Variants in PCDHGA1 observed in about 807,000 individuals in gnomAD.
The protein encoded by PCDHGA1 is protocadherin gamma-A1.
A neutral mutation model predicts 58.0 loss-of-function variants in PCDHGA1; 32 were observed. That is an observed-to-expected ratio of 0.55 (90% CI 0.42 to 0.74). The LOEUF (loss-of-function observed/expected upper bound fraction) is 0.74. Among genes scored for constraint, PCDHGA1 ranks in the 30% least tolerant of loss-of-function variants. The probability of loss-of-function intolerance (pLI) is 0.00; values close to 1 mark genes in which losing one functional copy is unlikely to be tolerated. For synonymous variants in PCDHGA1, 498 were observed against 501.1 expected, an observed-to-expected ratio of 0.99 and a Z score of 0.08; for missense variants, 1,205 against 1,182.3, an observed-to-expected ratio of 1.02 and a Z score of -0.28.
At chr5:141,344,980 A>G in intron 1 of PCDHGA1, 1 of 1,613,920 alleles carries the variant, frequency 6.2e-7, no homozygotes, top group Non-Finnish European at 8.5e-7. Flanking sequence ...ATGTTCTATG[A>G]AATTAAAATT....
chr5:141,352,451 T>C (rs1370878930), intron 1 of PCDHGA1: 2 of 1,614,028 alleles, frequency 1.2e-6, no homozygotes, highest in South Asian at 2.2e-5. Context: ...CTGCTCCAAG[T>C]CTGGGCCCGG....
rs551396089 is a variant in PCDHGA1, at chr5:141,423,798, A to T, written c.2422-71009A>T. On this transcript the variant is annotated intron_variant, in intron 1 of 3. Coordinates refer to ENST00000517417, the MANE Select transcript of PCDHGA1 (RefSeq NM_018912.3). ...TATTTAGTTCATATATATTTAGAGC[A>T]ATACATGTGAGTTTTACTTTGCCTT... is the stretch of plus-strand genomic sequence containing the variant. 3.3e-6 allele frequency: 4 copies of T among 1,222,280 alleles called. No homozygotes were observed. The South Asian group carries it at 1.1e-4, about 33-fold the overall frequency. 75.7% of individuals were successfully genotyped at this position (1,222,280 alleles called of 1,614,324 possible). A position where few individuals can be genotyped will look rare whatever the true frequency, so the allele number is the denominator to read the frequency against.
intron 1 of PCDHGA1, among the ~76,000 whole-genome samples, chr5:141,446,727 A>G (rs546345866): frequency 6.6e-6 from 1 of 152,258 alleles, no homozygotes; most frequent in African/African-American, 2.4e-5. Context: ...TCGGCCTCCC[A>G]AAGTGTGGGG....
chr5:141,332,887 A>C lies in PCDHGA1; in HGVS notation c.2203A>C (p.Met735Leu), dbSNP rs777529124. The C allele has an allele frequency of 5.0e-6, 8 of 1,614,076 alleles. No individual in the cohort carries two copies. The East Asian group carries it at 1.8e-4, about 36-fold the overall frequency. ...GGCTTCGGGAGGCGGCTTAGCGAGC[A>C]TGCCCGGTTCGCACTTTGTGGGCGT... ...LQASGGGLASMPGSHFVGVDG... is the reference protein window; with the variant it reads ...LQASGGGLASLPGSHFVGVDG... Residue 735 changes from methionine to leucine, a missense_variant, in exon 1 of 4, where the codon ATG becomes CTG. By Grantham distance (15) the Met-to-Leu change is conservative. Coordinates refer to ENST00000517417, the MANE Select transcript of PCDHGA1 (RefSeq NM_018912.3). The surrounding 1 kb of genome is among the most constrained non-coding windows in gnomAD (Gnocchi z 4.6).
At chr5:141,344,366 G>A (rs376488633) in intron 1 of PCDHGA1, 7 of 1,613,332 alleles carry the variant, frequency 4.3e-6, no homozygotes, top group Non-Finnish European at 5.9e-6. Context: ...TTCTGGTTGA[G>A]GATAAATTGA....
chr5:141,455,388 A>C (rs1415223043), intron 1 of PCDHGA1, among the ~76,000 whole-genome samples: 1 of 152,086 alleles, frequency 6.6e-6, no homozygotes, highest in Non-Finnish European at 1.5e-5. Context: ...AGAAGGAAGG[A>C]GCTCCCCCTT....
At chr5:141,421,613 A>G in intron 1 of PCDHGA1, 2 of 1,613,838 alleles carry the variant, frequency 1.2e-6, no homozygotes, top group South Asian at 2.2e-5. Flanking sequence ...GATATTAATG[A>G]TAACGCCCCC....
intron 1 of PCDHGA1, among the ~76,000 whole-genome samples, chr5:141,434,567 C>T (rs1220152239): frequency 6.6e-6 from 1 of 152,206 alleles, no homozygotes; most frequent in East Asian, 1.9e-4. Flanking sequence ...TAAGGACATG[C>T]CCCTGCTGCA....
intron 1 of PCDHGA1, among the ~76,000 whole-genome samples, chr5:141,387,440 A>T (rs2090946110): frequency 6.6e-6 from 1 of 152,240 alleles, no homozygotes; most frequent in East Asian, 1.9e-4. Context: ...TATGTACTTA[A>T]TCTACATGAT....
chr5:141,386,298 A>T (rs1459802596), intron 1 of PCDHGA1, among the ~76,000 whole-genome samples: 1 of 152,242 alleles, frequency 6.6e-6, no homozygotes, highest in African/African-American at 2.4e-5. Flanking sequence ...ACATTTTAGT[A>T]AAGCTCAGTA....
intron 1 of PCDHGA1, chr5:141,408,038 C>G (rs2095030679): frequency 8.6e-7 from 1 of 1,156,402 alleles, no homozygotes; most frequent in Admixed American, 3.0e-5. Flanking sequence ...AGAAAACCAG[C>G]TCCCACACAG....
intron 1 of PCDHGA1, among the ~76,000 whole-genome samples, chr5:141,488,351 C>G (rs1467834410): frequency 6.6e-6 from 1 of 152,132 alleles, no homozygotes; most frequent in African/African-American, 2.4e-5. Context: ...AAACAGCCAC[C>G]CTGTGCATCT....
chr5:141,384,658 C>T lies in PCDHGA1; in HGVS notation c.2421+51553C>T, dbSNP rs755303317. 9.3e-6 allele frequency: 15 copies of T among 1,614,104 alleles called. No homozygotes were observed. The African/African-American group carries it at 1.7e-4, about 19-fold the overall frequency. Reference sequence around the variant, plus strand: ...ACCCCGCTCCGCAGAGCCCGGCTACCTGGTGACCAAGGTGGTGGCGGTGGA... The same window carrying T: ...ACCCCGCTCCGCAGAGCCCGGCTACTTGGTGACCAAGGTGGTGGCGGTGGA... On this transcript the variant is annotated intron_variant, in intron 1 of 3. Coordinates refer to ENST00000517417, the MANE Select transcript of PCDHGA1 (RefSeq NM_018912.3).
At position 141,489,244 on chromosome 5, in the gene PCDHGA1, G is replaced by C. The variant is rs145484133; in HGVS notation, c.2422-5563G>C. The C allele has an allele frequency of 3.3e-6, 5 of 1,534,936 alleles. No homozygotes were observed. Among genetic ancestry groups the C allele is most frequent in the African/African-American group, 1.4e-5 (1 of 72,374 alleles). On this transcript the variant is annotated intron_variant, in intron 1 of 3. Transcript: ENST00000517417. This position sits in a 1 kb window ranked among gnomAD's most constrained non-coding sequence, Gnocchi z 4.5. ...TCCACAAAGGGACTTCTGGGTCATGGGGCCCAAGACACTCCCACAGCTCGC... is the reference window on the plus strand; with the variant it reads ...TCCACAAAGGGACTTCTGGGTCATGCGGCCCAAGACACTCCCACAGCTCGC...
chr5:141,400,175 A>G (rs374505357), intron 1 of PCDHGA1: 1 of 1,613,918 alleles, frequency 6.2e-7, no homozygotes, highest in Non-Finnish European at 8.5e-7. Flanking sequence ...CCCCAGGCTG[A>G]GCTGCAGTTT....
chr5:141,372,918 G>C (rs1350578389), intron 1 of PCDHGA1: 1 of 1,022,894 alleles, frequency 9.8e-7, no homozygotes, highest in African/African-American at 1.6e-5. Context: ...TTATTTTATT[G>C]ATTTTCTGGT....
At chr5:141,387,385 T>C (rs998102373) in intron 1 of PCDHGA1, among the ~76,000 whole-genome samples, 4 of 152,206 alleles carry the variant, frequency 2.6e-5, no homozygotes, top group African/African-American at 9.6e-5. Flanking sequence ...TTTATATAGA[T>C]AGTGCATGTT....
At chr5:141,371,589 A>G in intron 1 of PCDHGA1, 1 of 1,613,602 alleles carries the variant, frequency 6.2e-7, no homozygotes, top group Non-Finnish European at 8.5e-7. Flanking sequence ...TCAAGATACC[A>G]AAAACACATA....
intron 1 of PCDHGA1, among the ~76,000 whole-genome samples, chr5:141,464,019 C>A (rs1285414825): frequency 2.0e-5 from 3 of 151,984 alleles, no homozygotes; most frequent in African/African-American, 4.8e-5. Context: ...TAATCCCACA[C>A]TTTGGGAGGC....
Sources: allele counts gnomAD v4.1 joint callset (sites outside exome capture counted in the v4.1 genomes callset), GRCh38; gene constraint gnomAD v4.1.1; non-coding constraint Gnocchi (gnomAD v3.1); transcripts MANE v1.5; gene names NCBI Gene and HGNC (gene_info 2026-07-23, HGNC 2026-07-21).